PARP16: variants seen among roughly 807,000 people sequenced by gnomAD.
PARP16 encodes poly(ADP-ribose) polymerase family member 16, also known as protein mono-ADP-ribosyltransferase PARP16.
A neutral mutation model predicts 35.0 loss-of-function variants in PARP16; 31 were observed. The ratio of observed to expected loss-of-function variants is 0.88; its 90% CI spans 0.66 to 1.19. The LOEUF is 1.19. Ranked by LOEUF, PARP16 falls within the 50% of genes most tolerant of loss-of-function variation. The pLI, the probability that PARP16 is intolerant of heterozygous loss-of-function variation, is 0.00. For missense variants in PARP16, 424 were observed against 411.2 expected (o/e 1.03, Z -0.27); for synonymous variants, 162 against 169.5 (o/e 0.96, Z 0.34).
Position 65,250,106 on chromosome 15 carries a change from C to CTTTTTTTTTTTTTTTTTTT in PARP16, c.203-1879_203-1878insAAAAAAAAAAAAAAAAAAA, listed in dbSNP as rs1567013240. On this transcript the variant is annotated intron_variant and NMD_transcript_variant, in intron 2 of 3. Coordinates refer to the PARP16 transcript ENST00000559805. ...CTAGCTGCAGCCTTGCACCTGCTTGCCTTTTTTTTTTTTTTTTTTTTTTTT... is the reference window on the plus strand; with the variant it reads ...CTAGCTGCAGCCTTGCACCTGCTTGCTTTTTTTTTTTTTTTTTTTCTTTTTTTTTTTTTTTTTTTTTTTT... Among the ~76,000 whole-genome samples the CTTTTTTTTTTTTTTTTTTT allele has an allele frequency of 2.9e-5, 3 of 104,198 alleles. 1 individual carries two copies. Among genetic ancestry groups the CTTTTTTTTTTTTTTTTTTT allele is most frequent in the Non-Finnish European group, 3.8e-5 (2 of 53,200 alleles). The allele number at this position is 104,198 out of a possible 152,430, so 68.4% of individuals were successfully genotyped here.
At chr15:65,257,229 C>T (rs931635930), downstream of PARP16, among the ~76,000 whole-genome samples, 10 of 152,102 alleles carry the variant, frequency 6.6e-5, no homozygotes, top group Non-Finnish European at 1.2e-4. Context: ...CCAGCCTGGC[C>T]AACATGGTAA....
At chr15:65,250,345 T>C (rs1020492407) in intron 2 of PARP16, among the ~76,000 whole-genome samples, 4 of 151,808 alleles carry the variant, frequency 2.6e-5, no homozygotes, top group Non-Finnish European at 5.9e-5. Flanking sequence ...CTCGAACTCC[T>C]GACCTCAAGT....
At chr15:65,241,286 G>A (rs1015865582) in intron 3 of PARP16, among the ~76,000 whole-genome samples, 1 of 151,598 alleles carries the variant, frequency 6.6e-6, no homozygotes, top group African/African-American at 2.4e-5. Flanking sequence ...GGTTACAGGC[G>A]TGTGCCACCA....
chr15:65,277,332 C>T (rs997332887), intron 1 of PARP16, among the ~76,000 whole-genome samples: 3 of 152,204 alleles, frequency 2.0e-5, no homozygotes, highest in African/African-American at 7.2e-5. Flanking sequence ...AGCAGAGCCC[C>T]ATGTTGGTAC....
intron 3 of PARP16, among the ~76,000 whole-genome samples, 178 bp from the exon 4 acceptor site, chr15:65,263,498 A>G (rs986577335): frequency 6.6e-6 from 1 of 152,178 alleles, no homozygotes; most frequent in African/African-American, 2.4e-5. Flanking sequence ...GTTATTACTA[A>G]ACACATTCCT....
At chr15:65,257,200 T>C (rs574918858), downstream of PARP16, among the ~76,000 whole-genome samples, 1 of 152,166 alleles carries the variant, frequency 6.6e-6, no homozygotes, top group Non-Finnish European at 1.5e-5. Flanking sequence ...GCAGATCACT[T>C]GAGGTCAGGA....
downstream of PARP16, among the ~76,000 whole-genome samples, chr15:65,256,142 G>A (rs1024873797): frequency 1.3e-5 from 2 of 152,042 alleles, no homozygotes; most frequent in African/African-American, 2.4e-5. Context: ...TATCTCAGTC[G>A]CCTCCTATTT....
intron 3 of PARP16, among the ~76,000 whole-genome samples, chr15:65,236,971 CAAAAAAAA>C (rs1161870802): frequency 3.8e-5 from 2 of 52,334 alleles, no homozygotes; most frequent in Non-Finnish European, 8.4e-5. Flanking sequence ...GACTCTGTCT[CAAAAAAAA>C]AAAAAAAGAA....
chr15:65,277,611 G>A (rs1052291652), intron 1 of PARP16, among the ~76,000 whole-genome samples: 7 of 152,246 alleles, frequency 4.6e-5, no homozygotes, highest in Non-Finnish European at 8.8e-5. Flanking sequence ...ACCTTGCCTA[G>A]GGGCACACAG....
At chr15:65,236,919 C>T (rs2088893793) in intron 3 of PARP16, among the ~76,000 whole-genome samples, 1 of 149,790 alleles carries the variant, frequency 6.7e-6, no homozygotes, top group Admixed American at 6.7e-5. Flanking sequence ...TTGCAGTGAG[C>T]CGAGATTGCA....
chr15:65,249,442 T>C (rs1314838184), intron 2 of PARP16, among the ~76,000 whole-genome samples: 1 of 152,234 alleles, frequency 6.6e-6, no homozygotes, highest in African/African-American at 2.4e-5. Flanking sequence ...AGGTGCCCAG[T>C]GCTGGGGCAA....
chr15:65,235,852 G>T (rs2088866145), intron 3 of PARP16, among the ~76,000 whole-genome samples: 1 of 144,850 alleles, frequency 6.9e-6, no homozygotes. Flanking sequence ...AAAAAAAATT[G>T]CAGATATGGT....
downstream of PARP16, among the ~76,000 whole-genome samples, chr15:65,234,045 T>C (rs1331791618): frequency 6.6e-6 from 1 of 152,218 alleles, no homozygotes; most frequent in African/African-American, 2.4e-5. Context: ...CAGTAGTTCT[T>C]AACATTTTTT....
downstream of PARP16, among the ~76,000 whole-genome samples, chr15:65,232,267 G>T (rs527306160): frequency 1.3e-5 from 2 of 152,226 alleles, no homozygotes; most frequent in African/African-American, 4.8e-5. Context: ...CCAATTTTAG[G>T]TTTTTTAGAC....
chr15:65,233,275 G>A (rs545721819), downstream of PARP16, among the ~76,000 whole-genome samples: 11 of 152,090 alleles, frequency 7.2e-5, no homozygotes, highest in Admixed American at 6.6e-4. Flanking sequence ...TTAGCCGGGC[G>A]CCTGTAGTCC....
At chr15:65,242,183 G>A (rs1362105533) in intron 3 of PARP16, among the ~76,000 whole-genome samples, 1 of 152,106 alleles carries the variant, frequency 6.6e-6, no homozygotes, top group Admixed American at 6.6e-5. Flanking sequence ...GATAATATGT[G>A]TATATCTCTA....
At chr15:65,253,332 TTC>T (rs1436514559), downstream of PARP16, among the ~76,000 whole-genome samples, 7 of 151,874 alleles carry the variant, frequency 4.6e-5, no homozygotes, top group South Asian at 8.3e-4. Context: ...TCTAATTTCA[TTC>T]TCTTTTTTTT....
intron 3 of PARP16, among the ~76,000 whole-genome samples, chr15:65,235,552 C>G (rs2088853595): frequency 6.6e-6 from 1 of 150,982 alleles, no homozygotes; most frequent in African/African-American, 2.4e-5. Context: ...ATCTGTAATC[C>G]CAGCACTTTG....
chr15:65,231,184 G>A (rs1037432664), downstream of PARP16, among the ~76,000 whole-genome samples: 4 of 151,976 alleles, frequency 2.6e-5, no homozygotes, highest in Non-Finnish European at 4.4e-5. Context: ...CACCATGCCC[G>A]GCCTAGATAT....
Sources: allele counts gnomAD v4.1 joint callset (sites outside exome capture counted in the v4.1 genomes callset), GRCh38; gene constraint gnomAD v4.1.1; transcripts MANE v1.5; gene names NCBI Gene and HGNC (gene_info 2026-07-23, HGNC 2026-07-21).